PCDH15: variants seen among roughly 807,000 people sequenced by gnomAD.
PCDH15 encodes the protein protocadherin related 15, also known as protocadherin-15.
Under a neutral mutation model 178.5 loss-of-function variants are expected in PCDH15, and 129 were observed. The observed-to-expected ratio is 0.72, with a 90% confidence interval of 0.63 to 0.84. The LOEUF is 0.84. Among genes scored for constraint, PCDH15 ranks in the 40% least tolerant of loss-of-function variants. The pLI is 0.00. For synonymous variants in PCDH15, 800 were observed against 732.0 expected (o/e 1.09, Z -1.50); for missense variants, 2,230 against 2,099.9 (o/e 1.06, Z -1.21).
At chr10:54,043,056 G>T (rs2093582743) in intron 18 of PCDH15, among the ~76,000 whole-genome samples, 1 of 152,088 alleles carries the variant, frequency 6.6e-6, no homozygotes, top group Admixed American at 6.6e-5. Flanking sequence ...TTCAGAGTAA[G>T]TCATGATTCA....
intron 2 of PCDH15, among the ~76,000 whole-genome samples, chr10:54,621,773 C>A (rs2093355020): frequency 6.6e-6 from 1 of 151,626 alleles, no homozygotes; most frequent in Non-Finnish European, 1.5e-5. Flanking sequence ...CAGAGTCACG[C>A]AGAAAATAAT....
Position 54,155,704 on chromosome 10 carries a change from G to A in PCDH15, c.1591-2411C>T, listed in dbSNP as rs558989278. Among the ~76,000 whole-genome samples the A allele has an allele frequency of 3.3e-4, 50 of 150,566 alleles. No homozygotes were observed. In the South Asian group the frequency reaches 8.0e-3, roughly 24 times the overall value. ...TTTTTTTTAAACCTCAACATTAGCAGGAGAATTGCTTGAACCTGAGAGGCA... is the reference window on the plus strand; with the variant it reads ...TTTTTTTTAAACCTCAACATTAGCAAGAGAATTGCTTGAACCTGAGAGGCA... On this transcript the variant is annotated intron_variant, in intron 13 of 37. Transcript: ENST00000644397.
intron 3 of PCDH15, among the ~76,000 whole-genome samples, chr10:54,505,243 A>G (rs1332454227): frequency 6.6e-6 from 1 of 152,086 alleles, no homozygotes; most frequent in Admixed American, 6.6e-5. Flanking sequence ...AACTACACAT[A>G]TATTACAAAG....
intron 19 of PCDH15, among the ~76,000 whole-genome samples, chr10:54,021,575 C>T (rs1589957370): frequency 6.6e-6 from 1 of 151,850 alleles, no homozygotes; most frequent in Admixed American, 6.6e-5. Flanking sequence ...TTTTTCCCCC[C>T]AACTACTTTG....
At chr10:54,164,858 G>T (rs2046060967) in intron 13 of PCDH15, among the ~76,000 whole-genome samples, 1 of 152,140 alleles carries the variant, frequency 6.6e-6, no homozygotes, top group African/African-American at 2.4e-5. Context: ...TGCCATAGAA[G>T]CTATATTGTT....
intron 13 of PCDH15, among the ~76,000 whole-genome samples, chr10:54,161,075 T>C (rs1410087821): frequency 2.0e-5 from 3 of 152,174 alleles, no homozygotes; most frequent in African/African-American, 4.8e-5. Context: ...TGTGTATATA[T>C]ATTTACATTT....
At chr10:55,175,663 C>CAAAAAAAAAAAAAGAAAAAAAAAAAA (rs1839462859) in intron 1 of PCDH15, among the ~76,000 whole-genome samples, 1 of 106,674 alleles carries the variant, frequency 9.4e-6, no homozygotes, top group Non-Finnish European at 1.9e-5. Context: ...GACTCTGTCT[C>CAAAAAAAAAAAAAGAAAAAAAAAAAA]AAAAAAAAAA....
At chr10:54,431,573 T>A (rs1158429886) in intron 3 of PCDH15, among the ~76,000 whole-genome samples, 2 of 152,078 alleles carry the variant, frequency 1.3e-5, no homozygotes, top group Admixed American at 1.3e-4. Context: ...TGATAAAATG[T>A]CTCAACAAAC....
chr10:53,964,971 TTGAG>T (rs939640849), intron 21 of PCDH15, among the ~76,000 whole-genome samples: 4 of 152,088 alleles, frequency 2.6e-5, no homozygotes, highest in Admixed American at 6.5e-5. Context: ...AGCTATCAGT[TTGAG>T]TATTTTACTA....
chr10:53,815,873 T>C (rs2076043875), intron 35 of PCDH15, among the ~76,000 whole-genome samples: 3 of 152,188 alleles, frequency 2.0e-5, no homozygotes, highest in Admixed American at 6.5e-5. Context: ...ATTCTGTCTT[T>C]AAACTTTGCA....
chr10:55,127,105 C>G (rs145156978), intron 2 of PCDH15, among the ~76,000 whole-genome samples: 1 of 151,988 alleles, frequency 6.6e-6, no homozygotes, highest in African/African-American at 2.4e-5. Context: ...CTGACAATCT[C>G]ACTACTCATG....
chr10:53,929,587 A>T (rs2084861918), intron 25 of PCDH15, among the ~76,000 whole-genome samples: 1 of 152,180 alleles, frequency 6.6e-6, no homozygotes, highest in Non-Finnish European at 1.5e-5. Flanking sequence ...CTTTTGTTTT[A>T]AGTCAGTCAA....
At chr10:54,667,729 T>C (rs957618604) in intron 1 of PCDH15, among the ~76,000 whole-genome samples, 1 of 152,076 alleles carries the variant, frequency 6.6e-6, no homozygotes, top group East Asian at 1.9e-4. Flanking sequence ...GCTAATAATG[T>C]TATGTTCTAA....
intron 8 of PCDH15, among the ~76,000 whole-genome samples, chr10:54,246,758 G>A (rs535401686): frequency 6.2e-4 from 94 of 151,918 alleles, no homozygotes; most frequent in African/African-American, 1.7e-3. Context: ...GTTTTCTAAC[G>A]TGGTTGTATG....
intron 3 of PCDH15, among the ~76,000 whole-genome samples, chr10:54,474,000 A>G (rs912597249): frequency 1.3e-5 from 2 of 151,864 alleles, no homozygotes; most frequent in Admixed American, 1.3e-4. Context: ...CACATTACAT[A>G]TACATCTTTT....
intron 2 of PCDH15, among the ~76,000 whole-genome samples, chr10:55,032,536 A>C (rs1301989211): frequency 6.6e-6 from 1 of 152,220 alleles, no homozygotes; most frequent in Non-Finnish European, 1.5e-5. Flanking sequence ...GATTTTTGAC[A>C]AAAATATTTG....
At chr10:53,840,244 T>G (rs2077558214) in intron 29 of PCDH15, 76 bp downstream of exon 29, 1 of 1,511,366 alleles carries the variant, frequency 6.6e-7, no homozygotes, top group Non-Finnish European at 9.2e-7. Flanking sequence ...CTTTAAGTAC[T>G]TATAGCCTCA....
chr10:55,428,555 T>A (rs1467039010), intron 2 of PCDH15, among the ~76,000 whole-genome samples: 1 of 151,668 alleles, frequency 6.6e-6, no homozygotes, highest in Non-Finnish European at 1.5e-5. Context: ...ATTCTTTCTC[T>A]ATATCTATAA....
At chr10:54,928,427 C>A (rs1837684709) in intron 2 of PCDH15, among the ~76,000 whole-genome samples, 1 of 151,964 alleles carries the variant, frequency 6.6e-6, no homozygotes, top group Admixed American at 6.6e-5. Flanking sequence ...TGAAAATGAT[C>A]TTTTGTGAAG....
Sources: gnomAD v4.1 joint callset for allele counts (sites outside exome capture counted in the v4.1 genomes callset) on GRCh38, gnomAD v4.1.1 for gene constraint, MANE v1.5 for transcripts, NCBI Gene and HGNC (gene_info 2026-07-23, HGNC 2026-07-21) for gene names.